The following HAPLN1 variants were observed in gnomAD, a reference collection of about 807,000 sequenced individuals.
HAPLN1 encodes the protein hyaluronan and proteoglycan link protein 1, also known as Cartilage link protein.
HAPLN1 carries 13 observed loss-of-function variants against 36.5 expected under a neutral mutation model. The observed-to-expected ratio is 0.36, with a 90% CI of 0.23 to 0.57. HAPLN1 has a LOEUF of 0.57. Among genes scored for constraint, HAPLN1 ranks in the 20% least tolerant of loss-of-function variants. The pLI is 0.83. For synonymous variants in HAPLN1, 202 were observed against 169.8 expected (o/e 1.19, Z -1.48); for missense variants, 407 against 439.7 (o/e 0.93, Z 0.66).
At chr5:83,650,994 G>T (rs1387097996) in intron 3 of HAPLN1, among the ~76,000 whole-genome samples, 1 of 151,886 alleles carries the variant, frequency 6.6e-6, no homozygotes, top group African/African-American at 2.4e-5. Context: ...TTAAAACAGT[G>T]ACCTTATTTT....
At chr5:83,702,112 A>G (rs966459870) in intron 1 of HAPLN1, among the ~76,000 whole-genome samples, 2 of 152,192 alleles carry the variant, frequency 1.3e-5, no homozygotes, top group African/African-American at 4.8e-5. Flanking sequence ...TGGGAGGGAT[A>G]AAATGATAAG....
intron 1 of HAPLN1, among the ~76,000 whole-genome samples, chr5:83,695,315 G>A (rs1257578647): frequency 1.3e-5 from 2 of 151,686 alleles, no homozygotes; most frequent in African/African-American, 2.4e-5. Context: ...TAGTAGAGAT[G>A]GGGTTTCGCC....
Position 83,655,519 on chromosome 5 carries a change from T to G in HAPLN1, c.101-2695A>C, listed in dbSNP as rs376875691. Among the ~76,000 whole-genome samples, 74 of 147,736 alleles carry G rather than the reference T, an allele frequency of 5.0e-4. 1 individual carries two copies. The highest frequency in any genetic ancestry group is 2.8e-3 in the South Asian group (13 of 4,632). ...TCTACCATTCTCATTCACTTTGGGG[T>G]GTGTGTGTGTGTGTGTGTGTGTGTG... On this transcript the variant is annotated intron_variant, in intron 2 of 4. Transcript: ENST00000274341.
chr5:83,652,989 A>G (rs1379811495), intron 2 of HAPLN1, among the ~76,000 whole-genome samples, 165 bp from the exon 3 acceptor site: 2 of 152,186 alleles, frequency 1.3e-5, no homozygotes, highest in African/African-American at 4.8e-5. Flanking sequence ...GGGACCTCTA[A>G]TAACTAGAAG....
chr5:83,674,756 G>A (rs888729371), intron 1 of HAPLN1: 2 of 152,188 alleles, frequency 1.3e-5, no homozygotes, highest in African/African-American at 4.8e-5. Flanking sequence ...AGAGCTCTGA[G>A]TCTGTTCCTG....
At chr5:83,708,135 A>G (rs889865747) in intron 1 of HAPLN1, among the ~76,000 whole-genome samples, 2 of 152,254 alleles carry the variant, frequency 1.3e-5, no homozygotes, top group Non-Finnish European at 2.9e-5. Context: ...TAGTTCAAAC[A>G]TTGCGGAAAG....
chr5:83,671,599 G>A (rs553573810), intron 2 of HAPLN1, among the ~76,000 whole-genome samples: 4 of 152,294 alleles, frequency 2.6e-5, no homozygotes, highest in African/African-American at 7.2e-5. Flanking sequence ...TCACTTGGAA[G>A]CAGTTTCTCT....
intron 1 of HAPLN1, among the ~76,000 whole-genome samples, chr5:83,706,333 C>T (rs1234623351): frequency 6.6e-6 from 1 of 152,098 alleles, no homozygotes; most frequent in African/African-American, 2.4e-5. Flanking sequence ...AAATCCCTAA[C>T]AAAATACTTG....
chr5:83,707,154 C>G (rs1298219872), intron 1 of HAPLN1, among the ~76,000 whole-genome samples: 1 of 152,186 alleles, frequency 6.6e-6, no homozygotes, highest in Non-Finnish European at 1.5e-5. Context: ...AATGACCATA[C>G]TGCCCAAAGC....
intron 1 of HAPLN1, among the ~76,000 whole-genome samples, chr5:83,694,734 A>T (rs1156714109): frequency 1.3e-5 from 2 of 152,132 alleles, no homozygotes; most frequent in Admixed American, 6.5e-5. Flanking sequence ...TTAAAAATCA[A>T]ATTTTTAGTT....
chr5:83,648,645 T>C (rs968344790), intron 3 of HAPLN1, among the ~76,000 whole-genome samples: 1 of 151,754 alleles, frequency 6.6e-6, no homozygotes, highest in Non-Finnish European at 1.5e-5. Flanking sequence ...TAATGTGCAA[T>C]TACAGTTGGA....
intron 1 of HAPLN1, among the ~76,000 whole-genome samples, chr5:83,709,000 C>T (rs897358153): frequency 3.3e-5 from 5 of 152,244 alleles, no homozygotes; most frequent in Admixed American, 6.5e-5. Flanking sequence ...CTCAGTCTCC[C>T]GAGTAGCTGG....
chr5:83,645,245 A>C (rs1440972832), intron 3 of HAPLN1, among the ~76,000 whole-genome samples: 7 of 152,198 alleles, frequency 4.6e-5, no homozygotes, highest in African/African-American at 1.7e-4. Context: ...TTAACAAATT[A>C]TTCAAATGTA....
chr5:83,714,748 T>G (rs1751879815), intron 1 of HAPLN1, among the ~76,000 whole-genome samples: 1 of 152,178 alleles, frequency 6.6e-6, no homozygotes, highest in Non-Finnish European at 1.5e-5. Context: ...CCACTAAACC[T>G]GGATATTTGG....
In HAPLN1 at chr5:83,640,848, A is replaced by G. The variant is rs142203856; in HGVS notation, c.*648T>C. The G allele has an allele frequency of 1.5e-3, 228 of 152,158 alleles. No homozygotes were observed. The highest frequency in any genetic ancestry group is 5.2e-3 in the African/African-American group (215 of 41,528). 9.4% of individuals were successfully genotyped at this position (152,158 alleles called of 1,614,324 possible). A position where few individuals can be genotyped will look rare whatever the true frequency, so the allele number is the denominator to read the frequency against. On this transcript the variant is annotated 3_prime_UTR_variant, in exon 5 of 5. Transcript: ENST00000274341. ...TGCTTATTTATGTGTCATGCTTCATATAAATGGGATTATTGAGGAGTTTTA... is the reference window on the plus strand; with the variant it reads ...TGCTTATTTATGTGTCATGCTTCATGTAAATGGGATTATTGAGGAGTTTTA...
At chr5:83,678,985 A>C (rs565244455) in intron 1 of HAPLN1, among the ~76,000 whole-genome samples, 1 of 152,292 alleles carries the variant, frequency 6.6e-6, no homozygotes, top group Non-Finnish European at 1.5e-5. Context: ...TGTGGAGAAA[A>C]AGATCCAGTG....
intron 2 of HAPLN1, among the ~76,000 whole-genome samples, chr5:83,671,748 T>A (rs989566788): frequency 1.3e-5 from 2 of 152,200 alleles, no homozygotes; most frequent in African/African-American, 4.8e-5. Context: ...AGCATTAAAT[T>A]TCCACAAGCC....
At chr5:83,663,100 G>A (rs1474214763) in intron 2 of HAPLN1, among the ~76,000 whole-genome samples, 1 of 152,188 alleles carries the variant, frequency 6.6e-6, no homozygotes, top group Non-Finnish European at 1.5e-5. Context: ...TGGACATGAT[G>A]AGGATGATAA....
chr5:83,693,585 A>T (rs1751327004), intron 1 of HAPLN1, among the ~76,000 whole-genome samples: 1 of 151,854 alleles, frequency 6.6e-6, no homozygotes, highest in African/African-American at 2.4e-5. Flanking sequence ...GTTTTTTAAG[A>T]TAATCTAAAT....
Sources: allele counts gnomAD v4.1 joint callset (sites outside exome capture counted in the v4.1 genomes callset), GRCh38; gene constraint gnomAD v4.1.1; transcripts MANE v1.5; gene names NCBI Gene and HGNC (gene_info 2026-07-23, HGNC 2026-07-21).